Variants in LRRC37A2 observed in about 807,000 individuals in gnomAD.
The protein encoded by LRRC37A2 is leucine rich repeat containing 37 member A2, also known as leucine-rich repeat-containing protein 37A2.
LRRC37A2 carries 9 observed loss-of-function variants against 68.8 expected under a neutral mutation model. The observed-to-expected ratio is 0.13, with a 90% CI of 0.08 to 0.23. The LOEUF is 0.23. LRRC37A2 is among the 10% of genes least tolerant of loss of function. LRRC37A2 has a pLI of 1.00. For missense variants in LRRC37A2, 168 were observed against 950.4 expected (o/e 0.18, Z 10.82); for synonymous variants, 63 against 367.6 (o/e 0.17, Z 9.48).
chr17:46,794,547 C>T, the LRRC37A2 span, among the ~76,000 whole-genome samples: 1 of 152,112 alleles, frequency 6.6e-6, no homozygotes, highest in African/African-American at 2.4e-5. Flanking sequence ...GCTGGCTCTC[C>T]TTTGTTTGCA....
chr17:46,717,041 T>TCCC, the LRRC37A2 span, among the ~76,000 whole-genome samples: 3 of 152,172 alleles, frequency 2.0e-5, no homozygotes, highest in Non-Finnish European at 4.4e-5. Context: ...TTATCTATAC[T>TCCC]CCCAAGTTCA....
At chr17:47,018,484 A>G in the LRRC37A2 span, 1 of 1,527,158 alleles carries the variant, frequency 6.5e-7, no homozygotes, top group South Asian at 1.1e-5. Context: ...GAGGTGGGAA[A>G]TTCTTTAGTC....
chr17:46,824,527 G>C, the LRRC37A2 span, among the ~76,000 whole-genome samples: 1 of 152,252 alleles, frequency 6.6e-6, no homozygotes, highest in African/African-American at 2.4e-5. Context: ...GGGATTACAG[G>C]CGTAAGCCCC....
chr17:46,978,659 G>A, the LRRC37A2 span: 1 of 1,607,036 alleles, frequency 6.2e-7, no homozygotes, highest in Non-Finnish European at 8.5e-7. Flanking sequence ...TACAGCCCCA[G>A]GATGGCTGCG....
At chr17:46,892,212 C>T in the LRRC37A2 span, among the ~76,000 whole-genome samples, 1 of 152,112 alleles carries the variant, frequency 6.6e-6, no homozygotes, top group African/African-American at 2.4e-5. Flanking sequence ...AGCCACTGCA[C>T]AGGCCTCCTC....
the LRRC37A2 span, among the ~76,000 whole-genome samples, chr17:46,723,753 G>A: frequency 6.6e-6 from 1 of 152,074 alleles, no homozygotes; most frequent in Non-Finnish European, 1.5e-5. Flanking sequence ...TCTAGATTCT[G>A]TCCACTTACC....
chr17:46,750,373 C>T, the LRRC37A2 span, among the ~76,000 whole-genome samples: 1 of 152,072 alleles, frequency 6.6e-6, no homozygotes, highest in Admixed American at 6.6e-5. Context: ...TGCCTAGGAC[C>T]AGAAGTGTTT....
At chr17:46,983,213 C>T in the LRRC37A2 span, among the ~76,000 whole-genome samples, 49 of 151,782 alleles carry the variant, frequency 3.2e-4, no homozygotes, top group South Asian at 6.5e-3. Flanking sequence ...GAACCATCCA[C>T]GTCAGGAGCA....
At chr17:46,685,373 T>C in the LRRC37A2 span, among the ~76,000 whole-genome samples, 1 of 151,330 alleles carries the variant, frequency 6.6e-6, no homozygotes, top group South Asian at 2.1e-4. Flanking sequence ...AGAAATGGCT[T>C]GATGTACTCA....
chr17:47,014,077 G>A, the LRRC37A2 span, among the ~76,000 whole-genome samples: 2 of 143,774 alleles, frequency 1.4e-5, no homozygotes, highest in Non-Finnish European at 3.1e-5. Flanking sequence ...TGGGCAACAA[G>A]AGTGAGACTC....
the LRRC37A2 span, chr17:46,966,513 A>C: frequency 4.4e-6 from 3 of 686,532 alleles, no homozygotes; most frequent in Non-Finnish European, 8.0e-6. Context: ...ACACCCGATT[A>C]ATTTTTTGTA....
chr17:46,610,373 A>C, the LRRC37A2 span, among the ~76,000 whole-genome samples: 1 of 32,996 alleles, frequency 3.0e-5, no homozygotes, highest in East Asian at 4.4e-4. Flanking sequence ...CCATTTTTGC[A>C]TTTCTCCTTT....
the LRRC37A2 span, among the ~76,000 whole-genome samples, chr17:46,891,540 G>A: frequency 1.3e-5 from 2 of 152,154 alleles, no homozygotes; most frequent in Non-Finnish European, 2.9e-5. Context: ...CAAGGGGTAC[G>A]CAGCCAGGGG....
the LRRC37A2 span, chr17:46,751,655 A>G: frequency 3.0e-6 from 4 of 1,332,790 alleles, no homozygotes; most frequent in South Asian, 1.2e-5. Flanking sequence ...AGACAGAACA[A>G]AGCTTCAGGA....
At chr17:47,009,457 G>A in the LRRC37A2 span, among the ~76,000 whole-genome samples, 15 of 152,188 alleles carry the variant, frequency 9.9e-5, no homozygotes, top group African/African-American at 3.4e-4. Flanking sequence ...CATAGCTGGG[G>A]AGCTGGGGGT....
chr17:46,881,877 A>C, the LRRC37A2 span, among the ~76,000 whole-genome samples: 1 of 152,238 alleles, frequency 6.6e-6, no homozygotes, highest in Non-Finnish European at 1.5e-5. Flanking sequence ...TAAGGACAAG[A>C]ACATTCTCCA....
chr17:46,957,821 A>T, the LRRC37A2 span, among the ~76,000 whole-genome samples: 1 of 152,312 alleles, frequency 6.6e-6, no homozygotes, highest in South Asian at 2.1e-4. Context: ...GACATGATAC[A>T]ATCAGTGCTA....
the LRRC37A2 span, among the ~76,000 whole-genome samples, chr17:46,852,207 G>A: frequency 1.3e-5 from 2 of 152,350 alleles, no homozygotes; most frequent in Non-Finnish European, 2.9e-5. Context: ...TGGGTGGGAC[G>A]GGCTGTTCCC....
chr17:46,568,316 AACTTCTGTGTTAGGATAGGAAGAAT>A, the LRRC37A2 span, among the ~76,000 whole-genome samples: 8 of 125,474 alleles, frequency 6.4e-5, no homozygotes, highest in Non-Finnish European at 1.3e-4. Context: ...GTGACAACCG[AACTTCTGTGTTAGGATAGGAAGAAT>A]ACTTATGAAG....
Sources: allele counts gnomAD v4.1 joint callset (sites outside exome capture counted in the v4.1 genomes callset), GRCh38; gene constraint gnomAD v4.1.1; transcripts MANE v1.5; gene names NCBI Gene and HGNC (gene_info 2026-07-23, HGNC 2026-07-21).